The following AMBRA1 variants were observed in gnomAD, a reference collection of about 807,000 sequenced individuals.
AMBRA1 encodes activating molecule in BECN1-regulated autophagy protein 1.
AMBRA1 carries 47 observed loss-of-function variants against 125.4 expected under a neutral mutation model. The observed-to-expected ratio is 0.37, with a 90% confidence interval of 0.30 to 0.48. The LOEUF (loss-of-function observed/expected upper bound fraction) is 0.48. Among genes scored for constraint, AMBRA1 ranks in the 20% least tolerant of loss-of-function variants. The pLI is 0.99. For missense variants in AMBRA1, 1,331 were observed against 1,693.4 expected (o/e 0.79, Z 3.76); for synonymous variants, 626 against 655.5 (o/e 0.95, Z 0.69).
intron 11 of AMBRA1, among the ~76,000 whole-genome samples, chr11:46,466,712 T>G (rs1170179380): frequency 6.6e-6 from 1 of 152,172 alleles, no homozygotes; most frequent in Non-Finnish European, 1.5e-5. Flanking sequence ...TTCAAATTTT[T>G]ATTTTTATCA....
At chr11:46,581,824 CA>C (rs1385440007) in intron 1 of AMBRA1, among the ~76,000 whole-genome samples, 4 of 140,502 alleles carry the variant, frequency 2.8e-5, no homozygotes, top group African/African-American at 5.4e-5. Context: ...AAAAAAAATC[CA>C]AAAGCCTTGC....
chr11:46,492,097 ACAG>A (rs1264828261), intron 11 of AMBRA1, among the ~76,000 whole-genome samples: 1 of 152,222 alleles, frequency 6.6e-6, no homozygotes, highest in Non-Finnish European at 1.5e-5. Context: ...GTTAAGCCAC[ACAG>A]AAGTGCCAGG....
intron 11 of AMBRA1, among the ~76,000 whole-genome samples, chr11:46,478,648 CTTTTTTTTTT>C (rs11449187): frequency 3.0e-4 from 25 of 82,168 alleles, no homozygotes; most frequent in African/African-American, 7.4e-4. Flanking sequence ...TCTTTTTTCT[CTTTTTTTTTT>C]TTTTTTTTTT....
chr11:46,553,235 G>A (rs1051934343), intron 1 of AMBRA1, among the ~76,000 whole-genome samples: 1 of 151,800 alleles, frequency 6.6e-6, no homozygotes, highest in African/African-American at 2.4e-5. Flanking sequence ...GAGCCACCAC[G>A]CCCGGCCACC....
chr11:46,544,780 TG>T (rs1266843453), intron 5 of AMBRA1, among the ~76,000 whole-genome samples: 1 of 151,946 alleles, frequency 6.6e-6, no homozygotes, highest in African/African-American at 2.4e-5. Flanking sequence ...AAAGCTGAAA[TG>T]AACAAAATGA....
intron 11 of AMBRA1, among the ~76,000 whole-genome samples, chr11:46,470,316 C>T (rs577970192): frequency 3.9e-5 from 6 of 152,132 alleles, no homozygotes; most frequent in South Asian, 2.1e-4. Flanking sequence ...TGGCCGGGCG[C>T]GGTGGCTCAC....
At position 46,508,039 on chromosome 11, in the gene AMBRA1, C is replaced by T. The variant is rs548357950; in HGVS notation, c.2339+152G>A. On this transcript the variant is annotated intron_variant, in intron 9 of 17. Coordinates refer to ENST00000683756, the MANE Select transcript of AMBRA1 (RefSeq NM_001387011.1). ...GGTGGGAGTGCTCTGGGCATCTTAA[C>T]CCTCTGTCCCTCACCCCATCCTGCT... 9.7e-6 allele frequency: 8 copies of T among 824,150 alleles called. No homozygotes were observed. The Admixed American group carries it at 1.3e-4, about 14-fold the overall frequency. The allele number at this position is 824,150 out of a possible 1,614,324, so 51.1% of individuals were successfully genotyped here.
chr11:46,456,716 G>A (rs761608512), intron 11 of AMBRA1, among the ~76,000 whole-genome samples: 2 of 152,270 alleles, frequency 1.3e-5, no homozygotes, highest in South Asian at 2.1e-4. Flanking sequence ...GGAGGGAAAC[G>A]ACCTTTATTG....
intron 1 of AMBRA1, among the ~76,000 whole-genome samples, chr11:46,576,901 T>A (rs2135295520): frequency 6.6e-6 from 1 of 152,354 alleles, no homozygotes; most frequent in East Asian, 1.9e-4. Flanking sequence ...GCAGATGCTG[T>A]GCTTCAATTA....
At chr11:46,574,464 CT>C (rs1369730200) in intron 1 of AMBRA1, among the ~76,000 whole-genome samples, 1 of 151,362 alleles carries the variant, frequency 6.6e-6, no homozygotes, top group African/African-American at 2.4e-5. Context: ...TAAATGTCTT[CT>C]TTTCAGAAGT....
chr11:46,585,685 AAAAAAAAAAAATATATAT>A (rs2044352187), intron 1 of AMBRA1, among the ~76,000 whole-genome samples: 2 of 32,314 alleles, frequency 6.2e-5, no homozygotes, highest in African/African-American at 1.3e-4. Flanking sequence ...AAAAAAAAAA[AAAAAAAAAAAATATATAT>A]ATATATATAT....
At chr11:46,429,259 T>C in intron 14 of AMBRA1, 1 of 901,024 alleles carries the variant, frequency 1.1e-6, no homozygotes. Context: ...CCCCTATCGC[T>C]ACTCAGAAAT....
intron 14 of AMBRA1, chr11:46,428,716 C>T: frequency 6.2e-7 from 1 of 1,607,540 alleles, no homozygotes; most frequent in Non-Finnish European, 8.5e-7. Flanking sequence ...CGGTTGCTGA[C>T]CCAGCCCCAG....
chr11:46,585,686 AAAAAAAAAAATAT>A (rs1186237631), intron 1 of AMBRA1, among the ~76,000 whole-genome samples: 1 of 64,288 alleles, frequency 1.6e-5, no homozygotes, highest in East Asian at 3.0e-4. Context: ...AAAAAAAAAA[AAAAAAAAAAATAT>A]ATATATATAT....
chr11:46,523,257 C>T (rs1951833839), intron 7 of AMBRA1, among the ~76,000 whole-genome samples: 1 of 152,212 alleles, frequency 6.6e-6, no homozygotes, highest in Non-Finnish European at 1.5e-5. Flanking sequence ...TGGGGATGTA[C>T]TACTTGCCCT....
chr11:46,509,754 A>G (rs962052224), intron 8 of AMBRA1, among the ~76,000 whole-genome samples: 1 of 152,200 alleles, frequency 6.6e-6, no homozygotes, highest in African/African-American at 2.4e-5. Context: ...AAAAAAAACT[A>G]TAAGGGAACA....
At chr11:46,574,661 T>C (rs1246195850) in intron 1 of AMBRA1, among the ~76,000 whole-genome samples, 1 of 152,170 alleles carries the variant, frequency 6.6e-6, no homozygotes, top group African/African-American at 2.4e-5. Flanking sequence ...CAGGTCAAAG[T>C]TGAGCTGCTC....
chr11:46,491,217 A>G (rs1445048809), intron 11 of AMBRA1: 1 of 152,228 alleles, frequency 6.6e-6, no homozygotes, highest in African/African-American at 2.4e-5. Context: ...AAGTCCTAAG[A>G]AAAAGAATGA....
At chr11:46,486,185 G>C (rs150951218) in intron 11 of AMBRA1, among the ~76,000 whole-genome samples, 43 of 152,298 alleles carry the variant, frequency 2.8e-4, no homozygotes, top group African/African-American at 1.0e-3. Context: ...CATCTTAATT[G>C]ATGTTGAGTT....
Sources: gnomAD v4.1 joint callset for allele counts (sites outside exome capture counted in the v4.1 genomes callset) on GRCh38, gnomAD v4.1.1 for gene constraint, MANE v1.5 for transcripts, NCBI Gene and HGNC (gene_info 2026-07-23, HGNC 2026-07-21) for gene names.